Variants in WWOX observed in about 807,000 individuals in gnomAD.
WWOX encodes WW domain containing oxidoreductase.
Under a neutral mutation model 46.2 loss-of-function variants are expected in WWOX, and 69 were observed. That is an observed-to-expected ratio of 1.49 (90% CI 1.23 to 1.82). The LOEUF (loss-of-function observed/expected upper bound fraction) is 1.82, where lower values mean the gene tolerates loss of function less well. Ranked by LOEUF, WWOX falls within the 40% of genes most tolerant of loss-of-function variation. WWOX has a pLI of 0.00. For missense variants in WWOX, 919 were observed against 542.6 expected (o/e 1.69, Z -6.89); for synonymous variants, 359 against 202.6 (o/e 1.77, Z -6.56).
chr16:79,018,373 T>C (rs1390619001), intron 8 of WWOX, among the ~76,000 whole-genome samples: 1 of 152,206 alleles, frequency 6.6e-6, no homozygotes, highest in Non-Finnish European at 1.5e-5. Context: ...ACATTATGAT[T>C]TGTCAGTAAT....
At chr16:78,838,204 A>G (rs943012144) in intron 8 of WWOX, among the ~76,000 whole-genome samples, 5 of 152,074 alleles carry the variant, frequency 3.3e-5, no homozygotes, top group African/African-American at 1.2e-4. Flanking sequence ...AAGCAGAGGG[A>G]TGCAAAGCAG....
At chr16:79,084,430 C>T (rs4493048) in intron 8 of WWOX, among the ~76,000 whole-genome samples, 1 of 151,790 alleles carries the variant, frequency 6.6e-6, no homozygotes, top group African/African-American at 2.4e-5. Flanking sequence ...CAAGTAATTT[C>T]TTTTTTTTGA....
intron 8 of WWOX, among the ~76,000 whole-genome samples, chr16:78,752,479 G>C (rs1052236733): frequency 6.6e-6 from 1 of 152,138 alleles, no homozygotes; most frequent in Non-Finnish European, 1.5e-5. Flanking sequence ...GTAGACACGG[G>C]ATTTCGCCCT....
At chr16:78,317,497 C>A (rs2080378335) in intron 5 of WWOX, among the ~76,000 whole-genome samples, 1 of 152,118 alleles carries the variant, frequency 6.6e-6, no homozygotes, top group Non-Finnish European at 1.5e-5. Flanking sequence ...GCTGAGAAAC[C>A]ATGTACTAAG....
intron 8 of WWOX, among the ~76,000 whole-genome samples, chr16:78,668,386 C>CA (rs2047382224): frequency 6.6e-6 from 1 of 152,216 alleles, no homozygotes; most frequent in African/African-American, 2.4e-5. Flanking sequence ...ACTTTGAGGG[C>CA]AAGGACCACA....
chr16:78,815,589 A>G (rs919198396), intron 8 of WWOX, among the ~76,000 whole-genome samples: 2 of 152,190 alleles, frequency 1.3e-5, no homozygotes, highest in African/African-American at 4.8e-5. Context: ...CTGTCCTCCA[A>G]AACACACATT....
At chr16:78,500,615 G>T (rs2085037884) in intron 8 of WWOX, among the ~76,000 whole-genome samples, 1 of 152,138 alleles carries the variant, frequency 6.6e-6, no homozygotes, top group South Asian at 2.1e-4. Context: ...GTAGGTAGAT[G>T]ACTCATTACA....
At chr16:78,820,067 T>G (rs1462015591) in intron 8 of WWOX, among the ~76,000 whole-genome samples, 1 of 152,206 alleles carries the variant, frequency 6.6e-6, no homozygotes, top group Non-Finnish European at 1.5e-5. Flanking sequence ...CTCTGTACTG[T>G]CATCGTTATC....
At chr16:78,428,314 A>G (rs939189244) in intron 7 of WWOX, among the ~76,000 whole-genome samples, 3 of 152,318 alleles carry the variant, frequency 2.0e-5, no homozygotes, top group African/African-American at 4.8e-5. Flanking sequence ...AGAGGTGAAC[A>G]TAGTCGTTTT....
At position 78,975,633 on chromosome 16, in the gene WWOX, A is replaced by G. The variant is rs143384217; in HGVS notation, c.1057-235975A>G. Among the ~76,000 whole-genome samples the G allele has an allele frequency of 1.4e-3, 218 of 152,166 alleles. 1 individual carries two copies. The highest frequency in any genetic ancestry group is 5.2e-3 in the African/African-American group (214 of 41,514). On this transcript the variant is annotated intron_variant, in intron 8 of 8. Coordinates refer to ENST00000566780, the MANE Select transcript of WWOX (RefSeq NM_016373.4). ...AAGGGTGAACAGTGTTTATTCCCCA[A>G]CTGTCGTCCCTCAAAACCAATGTTA...
At chr16:78,194,192 A>T (rs1229863421) in intron 5 of WWOX, among the ~76,000 whole-genome samples, 1 of 151,964 alleles carries the variant, frequency 6.6e-6, no homozygotes, top group Non-Finnish European at 1.5e-5. Context: ...AAAACAATAT[A>T]TGTCTCTTTG....
chr16:78,284,955 C>T (rs2079742358), intron 5 of WWOX, among the ~76,000 whole-genome samples: 1 of 152,214 alleles, frequency 6.6e-6, no homozygotes. Context: ...GCGGTCTCCT[C>T]TGCTGTCTAT....
chr16:78,449,666 C>T (rs1317423254), intron 8 of WWOX, among the ~76,000 whole-genome samples: 1 of 152,182 alleles, frequency 6.6e-6, no homozygotes, highest in Admixed American at 6.5e-5. Flanking sequence ...CCATTTAAAA[C>T]ATATATGCAT....
chr16:79,171,697 T>G (rs572450083), intron 8 of WWOX, among the ~76,000 whole-genome samples: 30 of 152,296 alleles, frequency 2.0e-4, no homozygotes, highest in African/African-American at 6.7e-4. Context: ...TTTTTTATCA[T>G]CCAATCAGCA....
chr16:79,144,058 C>T (rs745983919), intron 8 of WWOX, among the ~76,000 whole-genome samples: 1 of 152,104 alleles, frequency 6.6e-6, no homozygotes, highest in East Asian at 1.9e-4. Context: ...CCTCCATACC[C>T]AGCTAAGTTT....
chr16:78,489,194 A>C (rs1300566440), intron 8 of WWOX, among the ~76,000 whole-genome samples: 1 of 152,204 alleles, frequency 6.6e-6, no homozygotes, highest in East Asian at 1.9e-4. Context: ...CTATCTGTGA[A>C]GTGAGTCTAA....
At chr16:78,674,036 T>A (rs1213199080) in intron 8 of WWOX, among the ~76,000 whole-genome samples, 1 of 152,100 alleles carries the variant, frequency 6.6e-6, no homozygotes, top group African/African-American at 2.4e-5. Flanking sequence ...CCCCAAGACT[T>A]TTTGGATTCT....
At chr16:79,164,845 C>G (rs76686121) in intron 8 of WWOX, among the ~76,000 whole-genome samples, 5 of 152,080 alleles carry the variant, frequency 3.3e-5, no homozygotes, top group Non-Finnish European at 7.4e-5. Context: ...GCCCTGAAAT[C>G]GGAGACTCAT....
intron 8 of WWOX, among the ~76,000 whole-genome samples, chr16:78,646,824 C>A (rs181401286): frequency 2.0e-5 from 3 of 152,272 alleles, no homozygotes; most frequent in Admixed American, 2.0e-4. Flanking sequence ...AATCGCCTTC[C>A]TTTTATCTCC....
Sources: gnomAD v4.1 joint callset for allele counts (sites outside exome capture counted in the v4.1 genomes callset) on GRCh38, gnomAD v4.1.1 for gene constraint, MANE v1.5 for transcripts, NCBI Gene and HGNC (gene_info 2026-07-23, HGNC 2026-07-21) for gene names.